Variants in FRMD3 observed in about 807,000 individuals in gnomAD.
FRMD3 encodes FERM domain-containing protein 3.
FRMD3 carries 33 observed loss-of-function variants against 70.2 expected under a neutral mutation model. The ratio of observed to expected loss-of-function variants is 0.47; its 90% confidence interval spans 0.36 to 0.63. The LOEUF is 0.63. FRMD3 is among the 20% of genes least tolerant of loss of function. The pLI is 0.00. For missense variants in FRMD3, 632 were observed against 711.4 expected (o/e 0.89, Z 1.27); for synonymous variants, 279 against 255.9 (o/e 1.09, Z -0.86).
At chr9:83,342,510 G>A (rs1823795427) in intron 5 of FRMD3, among the ~76,000 whole-genome samples, 1 of 152,154 alleles carries the variant, frequency 6.6e-6, no homozygotes, top group Admixed American at 6.5e-5. Context: ...ACTTATCCAT[G>A]GTGAACCATC....
chr9:83,321,179 A>C (rs1737159165), intron 6 of FRMD3, among the ~76,000 whole-genome samples: 1 of 151,842 alleles, frequency 6.6e-6, no homozygotes, highest in South Asian at 2.1e-4. Flanking sequence ...TTTTATCTCC[A>C]TTTCGTTCTG....
chr9:83,338,404 A>G (rs1398316004), intron 5 of FRMD3, among the ~76,000 whole-genome samples: 1 of 152,208 alleles, frequency 6.6e-6, no homozygotes, highest in Non-Finnish European at 1.5e-5. Context: ...GGTGCAAAAA[A>G]AGGATATGTT....
chr9:83,580,166 C>T, the FRMD3 span, among the ~76,000 whole-genome samples: 3 of 151,994 alleles, frequency 2.0e-5, no homozygotes, highest in Non-Finnish European at 4.4e-5. Flanking sequence ...AAAGGGAACC[C>T]ATGTATGCTG....
At chr9:83,552,001 G>A in the FRMD3 span, among the ~76,000 whole-genome samples, 1 of 149,782 alleles carries the variant, frequency 6.7e-6, no homozygotes, top group African/African-American at 2.4e-5. Flanking sequence ...GTTATTTCTT[G>A]TCTTCTGCTA....
chr9:83,496,888 C>T (rs572968714), intron 1 of FRMD3, among the ~76,000 whole-genome samples: 5 of 152,158 alleles, frequency 3.3e-5, no homozygotes, highest in South Asian at 4.2e-4. Context: ...CCGAGGCAGG[C>T]GGATTACCTG....
intron 4 of FRMD3, 33 bp downstream of exon 4, chr9:83,349,646 T>C (rs1255120610): frequency 4.1e-6 from 6 of 1,480,196 alleles, no homozygotes; most frequent in Non-Finnish European, 5.6e-6. Flanking sequence ...TGGTTAAAGG[T>C]GCACGTTAAA....
At chr9:83,385,045 A>C (rs973733585) in intron 2 of FRMD3, among the ~76,000 whole-genome samples, 2 of 152,156 alleles carry the variant, frequency 1.3e-5, no homozygotes, top group African/African-American at 4.8e-5. Context: ...CATAAGGGGA[A>C]AACCCAGGAC....
intron 2 of FRMD3, among the ~76,000 whole-genome samples, chr9:83,386,904 G>C (rs189451051): frequency 6.6e-6 from 1 of 152,176 alleles, no homozygotes; most frequent in Non-Finnish European, 1.5e-5. Context: ...ATTTGATTAA[G>C]GTTATGCATT....
intron 3 of FRMD3, among the ~76,000 whole-genome samples, chr9:83,351,323 T>TACACACACACAC (rs56407249): frequency 0.06 from 8,605 of 143,778 alleles, 485 homozygotes; most frequent in African/African-American, 0.14. Flanking sequence ...AAACTGATCA[T>TACACACACACAC]ACACACACAC....
chr9:83,338,464 C>T (rs762526229), intron 5 of FRMD3, among the ~76,000 whole-genome samples: 2 of 152,078 alleles, frequency 1.3e-5, no homozygotes, highest in Non-Finnish European at 2.9e-5. Context: ...AAGTTGGAGG[C>T]AACTTGGGTG....
intron 1 of FRMD3, among the ~76,000 whole-genome samples, chr9:83,489,265 T>C (rs1286254605): frequency 1.3e-5 from 2 of 152,078 alleles, no homozygotes; most frequent in African/African-American, 2.4e-5. Context: ...TGGGACCTAA[T>C]TAAACTAAAG....
At chr9:83,298,876 T>G (rs1834787564) in intron 11 of FRMD3, 60 bp from the exon 12 acceptor site, 2 of 1,485,076 alleles carry the variant, frequency 1.3e-6, no homozygotes, top group Non-Finnish European at 1.9e-6. Flanking sequence ...GGGAGGGATA[T>G]GCACAAGTGT....
In FRMD3 at chr9:83,246,293, T is replaced by G. The variant is rs995741888; in HGVS notation, c.*1625A>C. On this transcript the variant is annotated 3_prime_UTR_variant, in exon 14 of 14. Coordinates refer to ENST00000304195, the MANE Select transcript of FRMD3 (RefSeq NM_174938.6). ...CTCCATGGCATAAGTTCTAGACTCT[T>G]ATCTTTCTCCCACATAACACAGTAT... 5.1e-6 allele frequency: 5 copies of G among 984,850 alleles called. No individual in the cohort carries two copies. The highest frequency in any genetic ancestry group is 6.0e-6 in the Non-Finnish European group (5 of 829,464). 61.0% of individuals were successfully genotyped at this position (984,850 alleles called of 1,614,324 possible).
At position 83,325,539 on chromosome 9, in the gene FRMD3, G is replaced by A. The variant is rs542488312; in HGVS notation, c.596+9977C>T. On this transcript the variant is annotated intron_variant, in intron 6 of 13. Transcript: ENST00000304195. The stretch of plus-strand genomic sequence containing the variant: ...AGGATTTCACCATGTTGCCCACGCT[G>A]GTCTCGAACTCCTGGGCTCAAGTGA... 1.4e-3 allele frequency among the ~76,000 whole-genome samples: 218 copies of A among 151,680 alleles called. 1 individual carries two copies. Among genetic ancestry groups the A allele is most frequent in the African/African-American group, 4.9e-3 (203 of 41,354 alleles).
intron 1 of FRMD3, among the ~76,000 whole-genome samples, chr9:83,479,682 AAGAAAG>A (rs1203656810): frequency 2.9e-5 from 2 of 68,238 alleles, no homozygotes; most frequent in Non-Finnish European, 5.4e-5. Context: ...GAAAGAAAGA[AAGAAAG>A]AAAGAAAGAA....
chr9:83,275,239 A>T (rs1411287722), intron 13 of FRMD3, among the ~76,000 whole-genome samples: 3 of 152,176 alleles, frequency 2.0e-5, no homozygotes, highest in Non-Finnish European at 4.4e-5. Context: ...CTCTGTGAAA[A>T]CACTATGCCT....
intron 1 of FRMD3, among the ~76,000 whole-genome samples, chr9:83,472,197 A>G (rs1828285616): frequency 6.6e-6 from 1 of 152,176 alleles, no homozygotes; most frequent in South Asian, 2.1e-4. Flanking sequence ...AAGTATAGGA[A>G]AAGCTGGAGT....
chr9:83,452,552 G>C (rs1827695348), intron 1 of FRMD3, among the ~76,000 whole-genome samples: 1 of 151,918 alleles, frequency 6.6e-6, no homozygotes, highest in African/African-American at 2.4e-5. Flanking sequence ...TGCGATCTCG[G>C]CTCACTGCAA....
chr9:83,571,481 C>T, the FRMD3 span, among the ~76,000 whole-genome samples: 12 of 152,288 alleles, frequency 7.9e-5, no homozygotes, highest in Admixed American at 2.6e-4. Flanking sequence ...AAAATAGTGA[C>T]GACTGCAGGA....
Sources: allele counts gnomAD v4.1 joint callset (sites outside exome capture counted in the v4.1 genomes callset), GRCh38; gene constraint gnomAD v4.1.1; transcripts MANE v1.5; gene names NCBI Gene and HGNC (gene_info 2026-07-23, HGNC 2026-07-21).